The following SAMD5 variants were observed in gnomAD, a reference collection of about 807,000 sequenced individuals.
The protein encoded by SAMD5 is sterile alpha motif domain-containing protein 5.
A neutral mutation model predicts 11.3 loss-of-function variants in SAMD5; 13 were observed. The ratio of observed to expected loss-of-function variants is 1.15; its 90% CI spans 0.75 to 1.83. SAMD5 has a LOEUF of 1.83. SAMD5 is among the 40% of genes most tolerant of loss of function. SAMD5 has a pLI of 0.00. For missense variants in SAMD5, 255 were observed against 239.1 expected (o/e 1.07, Z -0.44); for synonymous variants, 129 against 111.3 (o/e 1.16, Z -1.00).
At chr6:147,629,024 C>T (rs1790100005) in intron 1 of SAMD5, among the ~76,000 whole-genome samples, 1 of 152,108 alleles carries the variant, frequency 6.6e-6, no homozygotes, top group Non-Finnish European at 1.5e-5. Flanking sequence ...GGCGCAGTGG[C>T]TCACGCGTGT....
the SAMD5 span, among the ~76,000 whole-genome samples, chr6:147,918,047 T>C: frequency 3.9e-5 from 6 of 152,202 alleles, no homozygotes; most frequent in Non-Finnish European, 8.8e-5. Flanking sequence ...GAGGGCTCTT[T>C]TTTGGTTCCA....
chr6:147,921,154 A>G, the SAMD5 span, among the ~76,000 whole-genome samples: 1 of 152,164 alleles, frequency 6.6e-6, no homozygotes, highest in Non-Finnish European at 1.5e-5. Flanking sequence ...GAGAGTTGAG[A>G]AAAGACAGGC....
At chr6:147,557,448 G>A (rs926435439) in intron 1 of SAMD5, among the ~76,000 whole-genome samples, 1 of 152,182 alleles carries the variant, frequency 6.6e-6, no homozygotes, top group Non-Finnish European at 1.5e-5. Context: ...TGCCTCCAGA[G>A]CCTCTAGGGG....
chr6:147,639,921 A>G (rs1170029565), intron 1 of SAMD5, among the ~76,000 whole-genome samples: 1 of 152,070 alleles, frequency 6.6e-6, no homozygotes, highest in Admixed American at 6.6e-5. Context: ...CACTGACTGT[A>G]AAGGGAAAGA....
chr6:147,697,821 G>A (rs571644622), intron 1 of SAMD5, among the ~76,000 whole-genome samples: 1 of 152,246 alleles, frequency 6.6e-6, no homozygotes, highest in South Asian at 2.1e-4. Flanking sequence ...TCCTGCGGAT[G>A]GAACTCAGAT....
Position 147,621,905 on chromosome 6 carries a change from T to C in SAMD5, c.162+112518T>C, listed in dbSNP as rs553821353. 3.3e-5 allele frequency among the ~76,000 whole-genome samples: 5 copies of C among 152,316 alleles called. No homozygotes were observed. In the South Asian group the frequency reaches 1.0e-3, roughly 32 times the overall value. The stretch of plus-strand genomic sequence containing the variant: ...TCTGCTAAGTGAGATCAGATGCATC[T>C]GGACTGTTAGTATTTTCTTACCTGT... On this transcript the variant is annotated intron_variant, in intron 1 of 1. Coordinates refer to the SAMD5 transcript ENST00000566741.
At chr6:147,747,964 A>C in the SAMD5 span, among the ~76,000 whole-genome samples, 1 of 152,184 alleles carries the variant, frequency 6.6e-6, no homozygotes, top group South Asian at 2.1e-4. Flanking sequence ...ATCTCTCCCT[A>C]CATGTTGGTG....
At chr6:147,763,997 A>T in the SAMD5 span, among the ~76,000 whole-genome samples, 1 of 152,250 alleles carries the variant, frequency 6.6e-6, no homozygotes, top group Non-Finnish European at 1.5e-5. Flanking sequence ...ACGCAGAGAC[A>T]GAGTATTTTA....
chr6:147,835,679 A>G, the SAMD5 span, among the ~76,000 whole-genome samples: 2 of 152,226 alleles, frequency 1.3e-5, no homozygotes, highest in South Asian at 2.1e-4. Context: ...CTGAGCCGAC[A>G]GCCCCCACAT....
At chr6:147,827,422 G>GA in the SAMD5 span, among the ~76,000 whole-genome samples, 58 of 150,486 alleles carry the variant, frequency 3.9e-4, no homozygotes, top group East Asian at 6.6e-3. Context: ...AGGAATGGGC[G>GA]AAAAAAAAAT....
At chr6:147,867,791 G>T in the SAMD5 span, among the ~76,000 whole-genome samples, 5 of 152,276 alleles carry the variant, frequency 3.3e-5, no homozygotes, top group East Asian at 9.7e-4. Flanking sequence ...CTAAGATTCA[G>T]CCCCAGGAGG....
chr6:147,780,690 T>A, the SAMD5 span, among the ~76,000 whole-genome samples: 10 of 152,184 alleles, frequency 6.6e-5, no homozygotes, highest in Non-Finnish European at 1.3e-4. Context: ...TAATTAATAT[T>A]TTTCTAGAGT....
intron 1 of SAMD5, among the ~76,000 whole-genome samples, chr6:147,602,451 C>T (rs1419017099): frequency 6.6e-6 from 1 of 152,128 alleles, no homozygotes; most frequent in African/African-American, 2.4e-5. Context: ...CACAAAAATT[C>T]TCACCCAATA....
At chr6:147,519,232 A>G (rs1788216475) in intron 1 of SAMD5, among the ~76,000 whole-genome samples, 1 of 152,202 alleles carries the variant, frequency 6.6e-6, no homozygotes, top group African/African-American at 2.4e-5. Flanking sequence ...TTATAATAAG[A>G]CTAGAGATGT....
chr6:147,698,277 G>T (rs1791206452), intron 1 of SAMD5, among the ~76,000 whole-genome samples: 1 of 151,934 alleles, frequency 6.6e-6, no homozygotes, highest in African/African-American at 2.4e-5. Flanking sequence ...CATTATGAGG[G>T]TTCCACCTCA....
chr6:147,849,614 T>G, the SAMD5 span, among the ~76,000 whole-genome samples: 47 of 152,230 alleles, frequency 3.1e-4, no homozygotes, highest in African/African-American at 1.0e-3. Flanking sequence ...GGATTATTGC[T>G]GATCTATGCA....
the SAMD5 span, among the ~76,000 whole-genome samples, chr6:147,934,574 G>A: frequency 3.3e-5 from 5 of 152,096 alleles, no homozygotes; most frequent in Admixed American, 6.5e-5. Flanking sequence ...GGTGGGTGAC[G>A]TGGTGGGGAG....
chr6:147,806,152 A>T, the SAMD5 span, among the ~76,000 whole-genome samples: 10 of 152,146 alleles, frequency 6.6e-5, no homozygotes, highest in Non-Finnish European at 1.3e-4. Flanking sequence ...GGGCTGACAC[A>T]TGGTATCTTC....
rs1272943464 is a variant in SAMD5 at position 147,684,209 on chromosome 6, T to C, written c.163-53108T>C. 2.0e-5 allele frequency among the ~76,000 whole-genome samples: 3 copies of C among 152,282 alleles called. No homozygotes were observed. The East Asian group carries it at 5.8e-4, about 29-fold the overall frequency. ...AAAGTGGATTTCAATGGTCTGTATT[T>C]TGTGTTGGGCTTCCTCACTCCACAT... On this transcript the variant is annotated intron_variant, in intron 1 of 1. Coordinates refer to the SAMD5 transcript ENST00000566741.
Sources: allele counts gnomAD v4.1 joint callset (sites outside exome capture counted in the v4.1 genomes callset), GRCh38; gene constraint gnomAD v4.1.1; transcripts MANE v1.5; gene names NCBI Gene and HGNC (gene_info 2026-07-23, HGNC 2026-07-21).